CHN2: variants seen among roughly 807,000 people sequenced by gnomAD.
The protein encoded by CHN2 is beta-chimaerin.
CHN2 carries 35 observed loss-of-function variants against 56.3 expected under a neutral mutation model. That is an observed-to-expected ratio of 0.62 (90% confidence interval 0.47 to 0.82). The LOEUF is 0.82. CHN2 is among the 40% of genes least tolerant of loss of function. CHN2 has a pLI of 0.00. For synonymous variants in CHN2, 210 were observed against 212.8 expected, an observed-to-expected ratio of 0.99 and a Z score of 0.12; for missense variants, 491 against 580.5, an observed-to-expected ratio of 0.85 and a Z score of 1.58.
intron 1 of CHN2, among the ~76,000 whole-genome samples, chr7:29,351,107 C>CAAAAAAAAA (rs55787771): frequency 1.4e-5 from 1 of 70,048 alleles, no homozygotes; most frequent in Non-Finnish European, 2.8e-5. Flanking sequence ...GACTCCATCT[C>CAAAAAAAAA]AAAAAAAAAA....
intron 6 of CHN2, among the ~76,000 whole-genome samples, chr7:29,402,734 C>T (rs969861445): frequency 6.6e-6 from 1 of 152,094 alleles, no homozygotes; most frequent in Admixed American, 6.5e-5. Flanking sequence ...GACTTGAGAT[C>T]CTGGGTATTG....
At chr7:29,400,997 G>A in intron 6 of CHN2, 169 bp downstream of exon 6, 1 of 671,870 alleles carries the variant, frequency 1.5e-6, no homozygotes, top group South Asian at 2.0e-5. Flanking sequence ...GCTCAGGCCG[G>A]GCGTGGTGGC....
intron 1 of CHN2, among the ~76,000 whole-genome samples, chr7:29,239,969 T>A (rs1045316049): frequency 3.3e-5 from 5 of 152,232 alleles, no homozygotes; most frequent in Non-Finnish European, 7.3e-5. Context: ...TTTTTAGACA[T>A]TGGCAACTAA....
intron 6 of CHN2, among the ~76,000 whole-genome samples, chr7:29,415,372 G>C (rs951407571): frequency 6.6e-6 from 1 of 152,238 alleles, no homozygotes; most frequent in Non-Finnish European, 1.5e-5. Flanking sequence ...TCATTCTGGA[G>C]AGGCTCAAGT....
Position 29,146,971 on chromosome 7 carries a change from A to C in CHN2, c.274+11A>C, listed in dbSNP as rs560087445. 1.9e-6 allele frequency: 3 copies of C among 1,550,886 alleles called. No individual in the cohort carries two copies. In the East Asian group the frequency reaches 7.3e-5, roughly 38 times the overall value. ...CCAGCTGCACTAGCAGTAAGCTCGCACCAAGTGCCACTGTCCTGCCAAGCA... is the reference window on the plus strand; with the variant it reads ...CCAGCTGCACTAGCAGTAAGCTCGCCCCAAGTGCCACTGTCCTGCCAAGCA... On this transcript the variant is annotated intron_variant, in intron 2 of 6. Coordinates refer to the CHN2 transcript ENST00000439384.
At chr7:29,161,237 T>C (rs1220439732) in intron 2 of CHN2, among the ~76,000 whole-genome samples, 1 of 152,154 alleles carries the variant, frequency 6.6e-6, no homozygotes, top group Non-Finnish European at 1.5e-5. Context: ...GCAGGGAAAC[T>C]GAAGCAAAGG....
At chr7:29,471,185 G>T (rs967901113) in intron 6 of CHN2, among the ~76,000 whole-genome samples, 1 of 152,190 alleles carries the variant, frequency 6.6e-6, no homozygotes, top group Non-Finnish European at 1.5e-5. Context: ...TAAGGAAATG[G>T]ATTACTCTGA....
At chr7:29,205,571 G>GT (rs1250484188) in intron 1 of CHN2, among the ~76,000 whole-genome samples, 4 of 152,134 alleles carry the variant, frequency 2.6e-5, no homozygotes, top group Admixed American at 6.5e-5. Context: ...TTCCTGAGTG[G>GT]TAAGTGACCA....
chr7:29,392,994 A>G (rs1314283993), intron 3 of CHN2, among the ~76,000 whole-genome samples: 1 of 152,238 alleles, frequency 6.6e-6, no homozygotes, highest in Non-Finnish European at 1.5e-5. Context: ...CATCATAAAC[A>G]TGTGAAAACA....
intron 3 of CHN2, among the ~76,000 whole-genome samples, chr7:29,386,916 A>G (rs896108047): frequency 2.2e-4 from 33 of 152,350 alleles, no homozygotes; most frequent in African/African-American, 7.9e-4. Context: ...CCATTCAGAT[A>G]ATCTAATGTA....
chr7:29,458,278 T>A (rs10255138), intron 6 of CHN2, among the ~76,000 whole-genome samples: 9,698 of 152,056 alleles, frequency 0.064, 444 homozygotes, highest in East Asian at 0.27. Flanking sequence ...ATATGCTGAC[T>A]CCATTTGAAT....
chr7:29,490,111 C>CTTTT (rs34148468), intron 7 of CHN2, among the ~76,000 whole-genome samples: 7 of 136,458 alleles, frequency 5.1e-5, no homozygotes, highest in African/African-American at 1.9e-4. Context: ...GATGTCATTC[C>CTTTT]TTTTTTTTTT....
chr7:29,308,041 T>C (rs1464226112), intron 1 of CHN2, among the ~76,000 whole-genome samples: 1 of 152,242 alleles, frequency 6.6e-6, no homozygotes, highest in Non-Finnish European at 1.5e-5. Context: ...AATCAGCTAA[T>C]AGTGTCTACT....
intron 1 of CHN2, among the ~76,000 whole-genome samples, chr7:29,215,879 C>G (rs1279860211): frequency 2.0e-5 from 3 of 152,024 alleles, no homozygotes; most frequent in African/African-American, 7.2e-5. Context: ...GTGACTGATT[C>G]TGAATATGAA....
intron 1 of CHN2, among the ~76,000 whole-genome samples, chr7:29,284,677 G>A (rs1343541642): frequency 6.6e-6 from 1 of 152,146 alleles, no homozygotes; most frequent in Non-Finnish European, 1.5e-5. Context: ...AAAGGAACAC[G>A]GTCTAGCTGA....
chr7:29,470,411 A>G lies in CHN2; in HGVS notation c.577-9868A>G, dbSNP rs376487417. Among the ~76,000 whole-genome samples the G allele has an allele frequency of 2.6e-5, 4 of 152,222 alleles. No homozygotes were observed. The East Asian group carries it at 5.8e-4, about 22-fold the overall frequency. ...ACAGCTGTGAGTGGCGCCAAGGACTATTTTGTTTGGGTGATTGTTCACTGT... is the reference window on the plus strand; with the variant it reads ...ACAGCTGTGAGTGGCGCCAAGGACTGTTTTGTTTGGGTGATTGTTCACTGT... On this transcript the variant is annotated intron_variant, in intron 6 of 12. Coordinates refer to ENST00000222792, the MANE Select transcript of CHN2 (RefSeq NM_004067.4).
intron 6 of CHN2, among the ~76,000 whole-genome samples, chr7:29,474,455 C>T (rs1381136781): frequency 6.6e-6 from 1 of 151,956 alleles, no homozygotes; most frequent in Non-Finnish European, 1.5e-5. Flanking sequence ...GCTTTTGATC[C>T]ATCTCCAACT....
chr7:29,498,981 C>T (rs1160647846), intron 8 of CHN2, among the ~76,000 whole-genome samples: 1 of 152,014 alleles, frequency 6.6e-6, no homozygotes, highest in Non-Finnish European at 1.5e-5. Context: ...GTCTCAAACT[C>T]CTGGCCTCAG....
rs1330572504 is a variant in CHN2, at chr7:29,497,841, G to A, written c.739+1805G>A. On this transcript the variant is annotated intron_variant, in intron 8 of 12. Coordinates refer to ENST00000222792, the MANE Select transcript of CHN2 (RefSeq NM_004067.4). ...TGAACATGGATGATTCCTATTATAT[G>A]TGGTACCTAGGGCAGCAATTCCAAG... Among the ~76,000 whole-genome samples the A allele has an allele frequency of 2.0e-5, 3 of 152,128 alleles. No individual in the cohort carries two copies. The East Asian group carries it at 5.8e-4, about 29-fold the overall frequency.
Sources: gnomAD v4.1 joint callset for allele counts (sites outside exome capture counted in the v4.1 genomes callset) on GRCh38, gnomAD v4.1.1 for gene constraint, MANE v1.5 for transcripts, NCBI Gene and HGNC (gene_info 2026-07-23, HGNC 2026-07-21) for gene names.